GPC5: variants seen among roughly 807,000 people sequenced by gnomAD.
The protein encoded by GPC5 is glypican-5.
A neutral mutation model predicts 53.9 loss-of-function variants in GPC5; 47 were observed. The observed-to-expected ratio is 0.87, with a 90% confidence interval of 0.69 to 1.11. The LOEUF is 1.11. GPC5 is among the 50% of genes most tolerant of loss of function. The probability of loss-of-function intolerance (pLI) is 0.00; values close to 1 mark genes in which losing one functional copy is unlikely to be tolerated. For missense variants in GPC5, 748 were observed against 713.1 expected, an observed-to-expected ratio of 1.05 and a Z score of -0.56; for synonymous variants, 286 against 263.3, an observed-to-expected ratio of 1.09 and a Z score of -0.84.
intron 6 of GPC5, among the ~76,000 whole-genome samples, chr13:92,110,925 C>T (rs998067882): frequency 6.6e-6 from 1 of 152,132 alleles, no homozygotes. Flanking sequence ...TAATATATGT[C>T]CATTTACACA....
chr13:92,844,008 C>G (rs1268494453), intron 7 of GPC5, among the ~76,000 whole-genome samples: 1 of 151,366 alleles, frequency 6.6e-6, no homozygotes, highest in Non-Finnish European at 1.5e-5. Context: ...TGTGCTAGAG[C>G]TGGAAGACAC....
At chr13:92,290,535 C>A (rs1484271031) in intron 7 of GPC5, among the ~76,000 whole-genome samples, 6 of 152,134 alleles carry the variant, frequency 3.9e-5, no homozygotes, top group Non-Finnish European at 8.8e-5. Flanking sequence ...ATTCTTATGT[C>A]ATTGCATCTT....
At chr13:91,512,314 C>A (rs1377388773) in intron 2 of GPC5, among the ~76,000 whole-genome samples, 2 of 152,176 alleles carry the variant, frequency 1.3e-5, no homozygotes, top group East Asian at 3.8e-4. Context: ...GCTTTCTGCA[C>A]CTTTGGAGAT....
chr13:91,518,491 A>G (rs1885630524), intron 2 of GPC5, among the ~76,000 whole-genome samples: 1 of 152,196 alleles, frequency 6.6e-6, no homozygotes, highest in South Asian at 2.1e-4. Flanking sequence ...GACAGCTGAT[A>G]CTCAGAACAA....
intron 7 of GPC5, among the ~76,000 whole-genome samples, chr13:92,497,793 T>C (rs1186173145): frequency 6.6e-6 from 1 of 152,112 alleles, no homozygotes; most frequent in Non-Finnish European, 1.5e-5. Flanking sequence ...TAGTTCTACC[T>C]AAAAAGGTCC....
At chr13:92,603,422 T>G (rs1483255307) in intron 7 of GPC5, among the ~76,000 whole-genome samples, 3 of 152,314 alleles carry the variant, frequency 2.0e-5, no homozygotes, top group African/African-American at 7.2e-5. Flanking sequence ...TTTTGTTTTG[T>G]TTTGGTTTGC....
chr13:91,452,284 A>G (rs1162589338), intron 2 of GPC5, among the ~76,000 whole-genome samples: 1 of 152,138 alleles, frequency 6.6e-6, no homozygotes, highest in African/African-American at 2.4e-5. Flanking sequence ...ATGCCTGGCC[A>G]AAAATCTGTT....
At chr13:92,434,808 G>A (rs1877235363) in intron 7 of GPC5, among the ~76,000 whole-genome samples, 1 of 152,088 alleles carries the variant, frequency 6.6e-6, no homozygotes, top group African/African-American at 2.4e-5. Context: ...AGCAGAGCTG[G>A]GTTTCCACAG....
At chr13:92,498,021 T>A (rs930322709) in intron 7 of GPC5, among the ~76,000 whole-genome samples, 1 of 152,126 alleles carries the variant, frequency 6.6e-6, no homozygotes, top group Admixed American at 6.6e-5. Context: ...AAATATAAAA[T>A]CATGTCATCT....
intron 6 of GPC5, among the ~76,000 whole-genome samples, chr13:92,144,540 C>T (rs55766802): frequency 6.6e-6 from 1 of 152,164 alleles, no homozygotes; most frequent in Non-Finnish European, 1.5e-5. Context: ...AAAGGATCCT[C>T]TAGACAAACT....
intron 6 of GPC5, among the ~76,000 whole-genome samples, chr13:92,130,087 GAA>G (rs1387981615): frequency 3.3e-5 from 5 of 151,986 alleles, no homozygotes; most frequent in Admixed American, 6.6e-5. Flanking sequence ...AGTATTCCAA[GAA>G]AAACTCTGGA....
intron 7 of GPC5, among the ~76,000 whole-genome samples, chr13:92,681,134 C>T (rs1887098649): frequency 6.6e-6 from 1 of 151,716 alleles, no homozygotes; most frequent in South Asian, 2.1e-4. Flanking sequence ...AACCTCATCC[C>T]TTAACTTAAA....
intron 6 of GPC5, among the ~76,000 whole-genome samples, chr13:91,940,624 A>T (rs1222200274): frequency 6.6e-6 from 1 of 152,264 alleles, no homozygotes; most frequent in Non-Finnish European, 1.5e-5. Context: ...GTGTATAAGC[A>T]TTCCCTTTTC....
At chr13:92,062,135 C>A (rs2041129099) in intron 6 of GPC5, among the ~76,000 whole-genome samples, 1 of 151,750 alleles carries the variant, frequency 6.6e-6, no homozygotes, top group Non-Finnish European at 1.5e-5. Context: ...AAAGGAACCA[C>A]TATTAATTTT....
intron 7 of GPC5, among the ~76,000 whole-genome samples, chr13:92,845,446 G>A (rs1389844768): frequency 5.3e-5 from 8 of 151,972 alleles, no homozygotes; most frequent in Admixed American, 5.2e-4. Flanking sequence ...TTGAAACCCA[G>A]GAAAAAAGTG....
At chr13:91,656,767 A>G (rs1332172889) in intron 2 of GPC5, among the ~76,000 whole-genome samples, 1 of 152,208 alleles carries the variant, frequency 6.6e-6, no homozygotes, top group Non-Finnish European at 1.5e-5. Flanking sequence ...GATAATTTTA[A>G]AAATCACATA....
At chr13:92,828,076 C>T (rs939486097) in intron 7 of GPC5, among the ~76,000 whole-genome samples, 1 of 152,148 alleles carries the variant, frequency 6.6e-6, no homozygotes, top group Non-Finnish European at 1.5e-5. Context: ...ATCTGGAAGA[C>T]TGAGTATTCC....
At chr13:91,465,794 G>T (rs532395289) in intron 2 of GPC5, among the ~76,000 whole-genome samples, 29 of 152,074 alleles carry the variant, frequency 1.9e-4, no homozygotes, top group African/African-American at 7.0e-4. Flanking sequence ...TTATCTCTGT[G>T]ATTCTTTTGA....
intron 5 of GPC5, among the ~76,000 whole-genome samples, chr13:91,890,347 A>G (rs1319024455): frequency 6.6e-6 from 1 of 152,010 alleles, no homozygotes; most frequent in African/African-American, 2.4e-5. Flanking sequence ...ATCCTGAAAA[A>G]TTTCACATTT....
Sources: allele counts gnomAD v4.1 joint callset (sites outside exome capture counted in the v4.1 genomes callset), GRCh38; gene constraint gnomAD v4.1.1; transcripts MANE v1.5; gene names NCBI Gene and HGNC (gene_info 2026-07-23, HGNC 2026-07-21).